The following CHADL variants were observed in gnomAD, a reference collection of about 807,000 sequenced individuals.
CHADL encodes the protein chondroadherin-like protein.
Under a neutral mutation model 52.1 loss-of-function variants are expected in CHADL, and 48 were observed. The ratio of observed to expected loss-of-function variants is 0.92; its 90% CI spans 0.73 to 1.17. The LOEUF is 1.17. Ranked by LOEUF, CHADL falls within the 50% of genes most tolerant of loss-of-function variation. CHADL has a pLI of 0.00. For synonymous variants in CHADL, 498 were observed against 511.2 expected, an observed-to-expected ratio of 0.97 and a Z score of 0.35; for missense variants, 977 against 1,035.1, an observed-to-expected ratio of 0.94 and a Z score of 0.77.
At position 41,238,602 on chromosome 22, in the gene CHADL, A is replaced by G; in HGVS notation, c.470T>C (p.Leu157Pro). The G allele has an allele frequency of 3.2e-6, 5 of 1,545,180 alleles. No individual in the cohort carries two copies. In the South Asian group the frequency reaches 6.0e-5, roughly 18 times the overall value. The change falls in exon 3 of 6, where the codon CTG (leucine) becomes CCG (proline). Residue 157 changes from leucine (L) to proline (P), a missense_variant. Physicochemically the swap from Leu to Pro is moderately conservative, Grantham distance 98 (BLOSUM62 -3). Coordinates refer to ENST00000216241, the MANE Select transcript of CHADL (RefSeq NM_138481.2). The surrounding 1 kb of genome is among the most constrained non-coding windows in gnomAD (Gnocchi z 4.9). ...EELRPGTFGA[L>P]GALATLNLAH... The stretch of plus-strand genomic sequence containing the variant: ...CAGGTTTAGCGTGGCCAGCGCACCC[A>G]GTGCCCCGAACGTCCCCGGCCGCAG...
chr22:41,235,320 C>T lies in CHADL; in HGVS notation c.2087G>A (p.Arg696Gln), dbSNP rs184291323. The change falls in exon 5 of 6, where the codon CGG becomes CAG. Residue 696 changes from arginine to glutamine, a missense_variant. Coordinates refer to ENST00000216241, the MANE Select transcript of CHADL (RefSeq NM_138481.2). ...AGGGGTGGCGCAGGTGGCCCCCACC[C>T]GCAGGTTCAGCCCAGTAAGCCACCT... ...LHRWLTGLNLRVGATCATPPN... is the reference protein window; with the variant it reads ...LHRWLTGLNLQVGATCATPPN... The T allele has an allele frequency of 2.6e-5, 41 of 1,550,906 alleles. No individual in the cohort carries two copies. Among genetic ancestry groups the T allele is most frequent in the South Asian group, 1.2e-4 (10 of 84,050 alleles).
chr22:41,238,619 C>CGGCCGCAGCTCCTCCA lies in CHADL; in HGVS notation c.437_452dup (p.Thr153GlyfsTer347), dbSNP rs1234780591. 1.9e-6 allele frequency: 3 copies of CGGCCGCAGCTCCTCCA among 1,544,324 alleles called. No homozygotes were observed. In the East Asian group the frequency reaches 7.3e-5, roughly 38 times the overall value. On this transcript the variant is annotated frameshift_variant, in exon 3 of 6. Coordinates refer to ENST00000216241, the MANE Select transcript of CHADL (RefSeq NM_138481.2). LOFTEE classifies it high-confidence loss of function. The surrounding 1 kb of genome is among the most constrained non-coding windows in gnomAD (Gnocchi z 4.9). ...GCGCACCCAGTGCCCCGAACGTCCC[C>CGGCCGCAGCTCCTCCA]GGCCGCAGCTCCTCCAGTGCGTTCC...
chr22:41,237,320 C>T lies in CHADL; in HGVS notation c.1752G>A (p.Val584=), dbSNP rs1569159118. The T allele has an allele frequency of 1.3e-6, 2 of 1,550,670 alleles. No individual in the cohort carries two copies. The highest frequency in any genetic ancestry group is 1.7e-6 in the Non-Finnish European group (2 of 1,146,950). Reference sequence around the variant, plus strand: ...GCAGCCCCTCCAAGGCCCCAGTGGGCACCTCTCGCAGCTGATTCCTGTCCA... The same window carrying T: ...GCAGCCCCTCCAAGGCCCCAGTGGGTACCTCTCGCAGCTGATTCCTGTCCA... ...LHLDRNQLRE[V]PTGALEGLPA... is the part of the protein sequence containing the mutation. Residue 584 remains valine (V), a synonymous_variant, in exon 3 of 6, where the codon GTG becomes GTA. Coordinates refer to ENST00000216241, the MANE Select transcript of CHADL (RefSeq NM_138481.2).
intron 5 of CHADL, 38 bp from the exon 6 acceptor site, chr22:41,229,768 T>C (rs778085971): frequency 6.4e-7 from 1 of 1,569,984 alleles, no homozygotes; most frequent in East Asian, 2.3e-5. Context: ...TCTTTGGCAT[T>C]TTCTGGGCAC....
rs373887902 is a variant in CHADL, at chr22:41,229,633, C to T, written c.*71G>A. ...GACCCTCAGGGTGCCAGGAAGATCT[C>T]GTCGGAGCCTGTTCCTGGCGAGAGT... On this transcript the variant is annotated 3_prime_UTR_variant, in exon 6 of 6. Coordinates refer to ENST00000216241, the MANE Select transcript of CHADL (RefSeq NM_138481.2). 115 of 1,613,774 alleles carry T rather than the reference C, an allele frequency of 7.1e-5. No homozygotes were observed. The African/African-American group carries it at 8.7e-4, about 12-fold the overall frequency.
chr22:41,232,410 C>T (rs538683534), intron 5 of CHADL, among the ~76,000 whole-genome samples: 1 of 152,090 alleles, frequency 6.6e-6, no homozygotes, highest in Non-Finnish European at 1.5e-5. Flanking sequence ...ATGACCTAGT[C>T]GTGAGTCAGT....
chr22:41,229,642 C>G lies in CHADL; in HGVS notation c.*62G>C, dbSNP rs375958772. On this transcript the variant is annotated 3_prime_UTR_variant, in exon 6 of 6. Coordinates refer to ENST00000216241, the MANE Select transcript of CHADL (RefSeq NM_138481.2). ...GGTGCCAGGAAGATCTCGTCGGAGC[C>G]TGTTCCTGGCGAGAGTAAGAGCCAC... The G allele has an allele frequency of 3.7e-5, 60 of 1,613,544 alleles. 1 individual carries two copies. The highest frequency in any genetic ancestry group is 5.0e-5 in the Non-Finnish European group (59 of 1,180,030).
intron 5 of CHADL, among the ~76,000 whole-genome samples, chr22:41,234,830 G>A (rs2032707239): frequency 6.6e-6 from 1 of 152,244 alleles, no homozygotes; most frequent in African/African-American, 2.4e-5. Context: ...TGGGATTACA[G>A]GCGTGAGCCA....
chr22:41,236,429 T>A, intron 4 of CHADL, 55 bp downstream of exon 4: 1 of 1,486,654 alleles, frequency 6.7e-7, no homozygotes, highest in Non-Finnish European at 9.2e-7. Context: ...TGACAGGGGC[T>A]TGACTGAGAG....
chr22:41,237,571 A>G lies in CHADL; in HGVS notation c.1501T>C (p.Tyr501His). 6.4e-7 allele frequency: 1 copy of G among 1,550,476 alleles called. No homozygotes were observed. Among genetic ancestry groups the G allele is most frequent in the African/African-American group, 1.4e-5 (1 of 73,184 alleles). ...AALEGAPRLG[Y>H]LYLERNRFLQ... ...AAACGGTTGCGTTCTAGGTACAGGT[A>G]GCCGAGGCGGGGAGCCCCTTCAAGG... is the stretch of plus-strand genomic sequence containing the variant. The change falls in exon 3 of 6, where the codon TAC becomes CAC. Residue 501 changes from tyrosine (Y) to histidine (H), a missense_variant. Coordinates refer to ENST00000216241, the MANE Select transcript of CHADL (RefSeq NM_138481.2).
At chr22:41,236,315 G>C (rs1019749493) in intron 4 of CHADL, among the ~76,000 whole-genome samples, 169 bp downstream of exon 4, 1 of 152,224 alleles carries the variant, frequency 6.6e-6, no homozygotes, top group South Asian at 2.1e-4. Context: ...TCCCCAGGAA[G>C]GGTAACTAAC....
At position 41,235,084 on chromosome 22, in the gene CHADL, G is replaced by A. The variant is rs1305110157; in HGVS notation, c.2262+61C>T. The A allele has an allele frequency of 6.6e-6, 10 of 1,504,036 alleles. No homozygotes were observed. In the Admixed American group the frequency reaches 1.8e-4, roughly 27 times the overall value. The allele number at this position is 1,504,036 out of a possible 1,614,324, so 93.2% of individuals were successfully genotyped here. On this transcript the variant is annotated intron_variant, in intron 5 of 5. Transcript: ENST00000216241. ...AGCCAAGTCAGGCTCCTGCTTCCTGGGGACTTTGGAACCTGGCCCACCACC... is the reference window on the plus strand; with the variant it reads ...AGCCAAGTCAGGCTCCTGCTTCCTGAGGACTTTGGAACCTGGCCCACCACC...
At chr22:41,240,623 G>T (rs565012861) in intron 1 of CHADL, among the ~76,000 whole-genome samples, 6 of 152,358 alleles carry the variant, frequency 3.9e-5, no homozygotes, top group African/African-American at 1.4e-4. Context: ...GATCGCTGAA[G>T]CGACAAGCAT....
At chr22:41,234,364 C>CATT (rs71200674) in intron 5 of CHADL, among the ~76,000 whole-genome samples, 45,336 of 139,010 alleles carry the variant, frequency 0.33, 7,908 homozygotes, top group Admixed American at 0.5. Flanking sequence ...GGAGGATGGA[C>CATT]ATTATTATTA....
chr22:41,232,160 G>C (rs534694824), intron 5 of CHADL, among the ~76,000 whole-genome samples: 3 of 151,694 alleles, frequency 2.0e-5, no homozygotes, highest in African/African-American at 2.4e-5. Context: ...ATGAAACCCT[G>C]TCTCTACTAA....
chr22:41,237,268 C>G lies in CHADL; in HGVS notation c.1804G>C (p.Gly602Arg), dbSNP rs2032761136. 6.4e-7 allele frequency: 1 copy of G among 1,550,460 alleles called. No individual in the cohort carries two copies. Among genetic ancestry groups the G allele is most frequent in the Non-Finnish European group, 8.7e-7 (1 of 1,146,960 alleles). Residue 602 changes from glycine to arginine, a missense_variant, in exon 3 of 6, where the codon GGC becomes CGC. By Grantham distance (125) the Gly-to-Arg change is moderately radical. Transcript: ENST00000216241. The stretch of plus-strand genomic sequence containing the variant: ...TCACGCAAGGCCCTGAGTGGGTTGC[C>G]CGAGAGCTGCAGCTCCAGGAGGGCA... ...LPALLELQLS[G>R]NPLRALRDGA...
In CHADL at chr22:41,239,572, A is replaced by T. The variant is rs369318579; in HGVS notation, c.57T>A (p.Leu19=). The change falls in exon 2 of 6, where the codon CTT becomes CTA. Residue 19 remains leucine, a synonymous_variant. Transcript: ENST00000216241. ...HVPLVLPLLV[L]LLLAPARQAA... ...CCTGCCTAGCCGGGGCCAGCAGCAG[A>T]AGTACAAGAAGCGGCAGCACCAAGG... is the stretch of plus-strand genomic sequence containing the variant. 6.5e-7 allele frequency: 1 copy of T among 1,547,194 alleles called. No homozygotes were observed. The highest frequency in any genetic ancestry group is 1.4e-5 in the African/African-American group (1 of 72,872).
chr22:41,229,799 G>T, intron 5 of CHADL, 69 bp from the exon 6 acceptor site: 1 of 1,396,570 alleles, frequency 7.2e-7, no homozygotes, highest in Non-Finnish European at 1.0e-6. Flanking sequence ...TGTACCACTG[G>T]ACCCAGGGTG....
chr22:41,233,546 G>A (rs1157807126), intron 5 of CHADL, among the ~76,000 whole-genome samples: 5 of 152,182 alleles, frequency 3.3e-5, no homozygotes, highest in Non-Finnish European at 7.3e-5. Context: ...TGAAGGTTGG[G>A]ACAGAGATGG....
Sources: gnomAD v4.1 joint callset for allele counts (sites outside exome capture counted in the v4.1 genomes callset) on GRCh38, gnomAD v4.1.1 for gene constraint, Gnocchi (gnomAD v3.1) non-coding constraint, MANE v1.5 for transcripts, NCBI Gene and HGNC (gene_info 2026-07-23, HGNC 2026-07-21) for gene names.